The following SEMA5B variants were observed in gnomAD, a reference collection of about 807,000 sequenced individuals.
SEMA5B encodes semaphorin-5B.
SEMA5B carries 66 observed loss-of-function variants against 135.0 expected under a neutral mutation model. The observed-to-expected ratio is 0.49, with a 90% CI of 0.40 to 0.60. The LOEUF (loss-of-function observed/expected upper bound fraction) is 0.60, where lower values mean the gene tolerates loss of function less well. Among genes scored for constraint, SEMA5B ranks in the 20% least tolerant of loss-of-function variants. The pLI, the probability that SEMA5B is intolerant of heterozygous loss-of-function variation, is 0.00. For missense variants in SEMA5B, 1,501 were observed against 1,566.3 expected (o/e 0.96, Z 0.70); for synonymous variants, 690 against 639.5 (o/e 1.08, Z -1.19).
At chr3:122,957,371 G>A (rs1172884141) in intron 2 of SEMA5B, among the ~76,000 whole-genome samples, 1 of 152,216 alleles carries the variant, frequency 6.6e-6, no homozygotes, top group East Asian at 1.9e-4. Context: ...CCAACTGTGG[G>A]GCTTGGCTCC....
intron 2 of SEMA5B, among the ~76,000 whole-genome samples, chr3:122,953,512 G>A (rs1344422252): frequency 1.1e-4 from 17 of 152,088 alleles, no homozygotes; most frequent in Admixed American, 1.0e-3. Flanking sequence ...TGTCCACCTC[G>A]GCCCCAGCAC....
intron 1 of SEMA5B, among the ~76,000 whole-genome samples, chr3:122,997,552 C>T (rs1942054545): frequency 6.7e-6 from 1 of 149,884 alleles, no homozygotes; most frequent in African/African-American, 2.4e-5. Flanking sequence ...ATGTTGGTGG[C>T]CGTGGGAGGC....
chr3:122,946,510 TCTC>T (rs1340283916), intron 3 of SEMA5B, among the ~76,000 whole-genome samples: 1 of 151,952 alleles, frequency 6.6e-6, no homozygotes, highest in Non-Finnish European at 1.5e-5. Flanking sequence ...TAGGGCAACT[TCTC>T]CTGAACACAG....
intron 12 of SEMA5B, 136 bp from the exon 13 acceptor site, chr3:122,916,026 G>A: frequency 1.5e-6 from 1 of 676,330 alleles, no homozygotes; most frequent in East Asian, 2.7e-5. Context: ...GAAGTTCATT[G>A]GGCCTTTACT....
At position 122,912,205 on chromosome 3, in the gene SEMA5B, C is replaced by T; in HGVS notation, c.2863G>A (p.Glu955Lys). The T allele has an allele frequency of 6.2e-7, 1 of 1,602,516 alleles. No homozygotes were observed. Among genetic ancestry groups the T allele is most frequent in the Non-Finnish European group, 8.5e-7 (1 of 1,172,876 alleles). The change falls in exon 19 of 23, where the codon GAG becomes AAG. Residue 955 changes from glutamate (E) to lysine (K), a missense_variant. Physicochemically the swap from Glu to Lys is moderately conservative, Grantham distance 56. Coordinates refer to ENST00000357599, the MANE Select transcript of SEMA5B (RefSeq NM_001031702.4). The stretch of plus-strand genomic sequence containing the variant: ...GCCTGTGTGGCACATAGTGCCTCCT[C>T]CGTGTGCAGCCCGAGACAGATGTCC... Reference protein sequence around the residue: ...GEDICLGLHTEEALCATQACP... With the variant: ...GEDICLGLHTKEALCATQACP...
chr3:122,922,037 G>C lies in SEMA5B; in HGVS notation c.1566C>G (p.Pro522=), dbSNP rs1383177436. 2 of 1,495,328 alleles carry C rather than the reference G, an allele frequency of 1.3e-6. No individual in the cohort carries two copies. Among genetic ancestry groups the C allele is most frequent in the East Asian group, 2.5e-5 (1 of 40,808 alleles). 92.6% of individuals were successfully genotyped at this position (1,495,328 alleles called of 1,614,324 possible). ...GGCTGCGCAGGGGCTCGCGGCGCCCGGGGGGCAGCACGTGCAGCTCCTCCA... is the reference window on the plus strand; with the variant it reads ...GGCTGCGCAGGGGCTCGCGGCGCCCCGGGGGCAGCACGTGCAGCTCCTCCA... The part of the protein sequence containing the change: ...CYLEELHVLP[P]GRREPLRSLR... Residue 522 remains proline, a synonymous_variant, in exon 12 of 23, where the codon CCC becomes CCG. Coordinates refer to ENST00000357599, the MANE Select transcript of SEMA5B (RefSeq NM_001031702.4).
At chr3:122,952,476 C>T (rs549234902) in intron 2 of SEMA5B, among the ~76,000 whole-genome samples, 2 of 152,288 alleles carry the variant, frequency 1.3e-5, no homozygotes, top group East Asian at 3.9e-4. Flanking sequence ...CCTTTCTCTG[C>T]CTTAGTTTCT....
intron 1 of SEMA5B, among the ~76,000 whole-genome samples, chr3:122,964,390 A>C (rs1227710079): frequency 6.6e-6 from 1 of 152,244 alleles, no homozygotes; most frequent in Non-Finnish European, 1.5e-5. Context: ...GCTACCAGCT[A>C]CGCAGCTCTA....
chr3:122,978,213 G>A (rs1027582973), intron 1 of SEMA5B, among the ~76,000 whole-genome samples: 1 of 152,268 alleles, frequency 6.6e-6, no homozygotes, highest in African/African-American at 2.4e-5. Flanking sequence ...CTGGGCCCCA[G>A]GGTGCCCTTC....
intron 1 of SEMA5B, among the ~76,000 whole-genome samples, chr3:122,971,187 C>T (rs1941098194): frequency 6.6e-6 from 1 of 152,220 alleles, no homozygotes; most frequent in South Asian, 2.1e-4. Context: ...TACATCAGAG[C>T]AGGATGGGAG....
intron 4 of SEMA5B, among the ~76,000 whole-genome samples, chr3:122,940,688 C>A (rs1939518048): frequency 6.6e-6 from 1 of 152,212 alleles, no homozygotes; most frequent in Non-Finnish European, 1.5e-5. Context: ...GGCCAGGAGG[C>A]TTCTCTTCCC....
chr3:122,927,588 C>T (rs1301139091), intron 8 of SEMA5B, among the ~76,000 whole-genome samples: 2 of 152,202 alleles, frequency 1.3e-5, no homozygotes, highest in South Asian at 2.1e-4. Context: ...TCTGTGGCCT[C>T]GGGACATCAC....
chr3:122,934,670 C>T (rs1343920559), intron 5 of SEMA5B, among the ~76,000 whole-genome samples: 1 of 152,024 alleles, frequency 6.6e-6, no homozygotes, highest in African/African-American at 2.4e-5. Context: ...GAAATGTAAA[C>T]ATTAACTGGA....
intron 1 of SEMA5B, among the ~76,000 whole-genome samples, chr3:123,014,344 G>A (rs1475950548): frequency 6.6e-6 from 1 of 152,220 alleles, no homozygotes; most frequent in Non-Finnish European, 1.5e-5. Flanking sequence ...GCAAAGTCCT[G>A]TCAGGCAAAG....
Position 122,910,935 on chromosome 3 carries a change from C to A in SEMA5B, c.3202G>T (p.Glu1068Ter), listed in dbSNP as rs1343187271. Residue 1068 changes from glutamate to a stop codon, truncating the protein, a stop_gained, in exon 22 of 23, where the codon GAG (glutamate) becomes TAG (stop). Coordinates refer to ENST00000357599, the MANE Select transcript of SEMA5B (RefSeq NM_001031702.4). LOFTEE classifies it high-confidence loss of function. The part of the protein sequence containing the change: ...SCQHCQRQSQ[E>*]STLVHPATPN... Reference sequence around the variant, plus strand: ...GTGGCAGGATGGACCAGTGTGGACTCCTGGGACTGACGCTGGCAGTGCTGG... The same window carrying A: ...GTGGCAGGATGGACCAGTGTGGACTACTGGGACTGACGCTGGCAGTGCTGG... The A allele has an allele frequency of 1.2e-6, 2 of 1,613,828 alleles. No homozygotes were observed. Among genetic ancestry groups the A allele is most frequent in the Admixed American group, 3.3e-5 (2 of 60,030 alleles).
At chr3:122,956,780 C>T (rs1046301589) in intron 2 of SEMA5B, among the ~76,000 whole-genome samples, 4 of 152,116 alleles carry the variant, frequency 2.6e-5, no homozygotes, top group South Asian at 2.1e-4. Flanking sequence ...TCTCCTGCAA[C>T]GTCCAGCAAG....
intron 5 of SEMA5B, among the ~76,000 whole-genome samples, chr3:122,937,201 A>T (rs1939337414): frequency 6.6e-6 from 1 of 152,220 alleles, no homozygotes; most frequent in Non-Finnish European, 1.5e-5. Flanking sequence ...GATCATTTTC[A>T]GCACTTGGTT....
chr3:122,933,107 C>T (rs994776252), intron 5 of SEMA5B, among the ~76,000 whole-genome samples: 5 of 152,176 alleles, frequency 3.3e-5, no homozygotes, highest in African/African-American at 4.8e-5. Flanking sequence ...CTCCATCTTC[C>T]TGCCTAGTGT....
chr3:122,928,469 C>T, intron 7 of SEMA5B, 48 bp downstream of exon 7: 2 of 1,445,654 alleles, frequency 1.4e-6, no homozygotes, highest in Non-Finnish European at 9.4e-7. Flanking sequence ...GGCAGGAGAA[C>T]CCCCGGCATG....
Sources: gnomAD v4.1 joint callset for allele counts (sites outside exome capture counted in the v4.1 genomes callset) on GRCh38, gnomAD v4.1.1 for gene constraint, MANE v1.5 for transcripts, NCBI Gene and HGNC (gene_info 2026-07-23, HGNC 2026-07-21) for gene names.